PDXDC1: variants seen among roughly 807,000 people sequenced by gnomAD.
The protein encoded by PDXDC1 is pyridoxal-dependent decarboxylase domain-containing protein 1.
PDXDC1 carries 42 observed loss-of-function variants against 100.1 expected under a neutral mutation model. That is an observed-to-expected ratio of 0.42 (90% CI 0.33 to 0.54). The LOEUF (loss-of-function observed/expected upper bound fraction) is 0.54. PDXDC1 is among the 20% of genes least tolerant of loss of function. The probability of loss-of-function intolerance (pLI) is 0.10; values close to 1 mark genes in which losing one functional copy is unlikely to be tolerated. For synonymous variants in PDXDC1, 260 were observed against 371.7 expected (o/e 0.70, Z 3.46); for missense variants, 636 against 979.2 (o/e 0.65, Z 4.68).
In PDXDC1 at chr16:15,074,971, T is replaced by G. The variant is rs530308355; in HGVS notation, c.1399+44915T>G. Reference sequence around the variant, plus strand: ...CCCTTAAAAGATAAAACAAAGAGGCTGGGGAAAGCGGCTCACATCTATAAG... The same window carrying G: ...CCCTTAAAAGATAAAACAAAGAGGCGGGGGAAAGCGGCTCACATCTATAAG... On this transcript the variant is annotated intron_variant, in intron 16 of 16. Coordinates refer to the PDXDC1 transcript ENST00000535621. 16 of 1,150,802 alleles carry G rather than the reference T, an allele frequency of 1.4e-5. No homozygotes were observed. The African/African-American group carries it at 1.7e-4, about 12-fold the overall frequency. The allele number at this position is 1,150,802 out of a possible 1,614,324, so 71.3% of individuals were successfully genotyped here.
intron 16 of PDXDC1, chr16:15,080,200 A>T: frequency 7.1e-7 from 1 of 1,416,310 alleles, no homozygotes; most frequent in Non-Finnish European, 9.3e-7. Flanking sequence ...AAATATTTAA[A>T]AAGAAAAAAA....
intron 16 of PDXDC1, among the ~76,000 whole-genome samples, chr16:15,106,679 T>G (rs1212593973): frequency 1.4e-5 from 2 of 143,564 alleles, no homozygotes; most frequent in Non-Finnish European, 3.1e-5. Context: ...CACTTGAACC[T>G]GGGAGGCGGA....
intron 16 of PDXDC1, chr16:15,048,066 G>C (rs1211730360): frequency 1.2e-6 from 2 of 1,612,314 alleles, no homozygotes; most frequent in African/African-American, 1.3e-5. Context: ...CCCACTTGTT[G>C]AACAGACTGA....
At chr16:15,000,399 G>T (rs927447873) in intron 3 of PDXDC1, among the ~76,000 whole-genome samples, 33 of 152,416 alleles carry the variant, frequency 2.2e-4, no homozygotes, top group East Asian at 2.1e-3. Flanking sequence ...CAGGCAGCCA[G>T]TGTGCCTCAA....
intron 16 of PDXDC1, among the ~76,000 whole-genome samples, chr16:15,090,690 C>G (rs1292196492): frequency 6.6e-6 from 1 of 152,166 alleles, no homozygotes; most frequent in Non-Finnish European, 1.5e-5. Context: ...ACAATTTGCT[C>G]AAGATCACAC....
chr16:15,111,106 CGACAGAATGA>C (rs1213708237), intron 16 of PDXDC1, among the ~76,000 whole-genome samples: 1 of 137,326 alleles, frequency 7.3e-6, no homozygotes, highest in Non-Finnish European at 1.6e-5. Context: ...CCAGCCTGAG[CGACAGAATGA>C]GACTCTGTCA....
chr16:15,061,356 G>A (rs912749383), intron 16 of PDXDC1: 1 of 193,792 alleles, frequency 5.2e-6, no homozygotes, highest in Non-Finnish European at 1.0e-5. Flanking sequence ...CAAGTCCTAA[G>A]ACCATGGATC....
intron 16 of PDXDC1, among the ~76,000 whole-genome samples, chr16:15,090,557 C>T (rs1209016548): frequency 6.6e-6 from 1 of 152,174 alleles, no homozygotes; most frequent in African/African-American, 2.4e-5. Flanking sequence ...TATGATCACA[C>T]CTGTGAATAG....
chr16:15,077,572 T>G (rs757669308), intron 16 of PDXDC1, among the ~76,000 whole-genome samples: 12 of 152,208 alleles, frequency 7.9e-5, no homozygotes, highest in East Asian at 1.9e-4. Flanking sequence ...CCAGGTGCAG[T>G]GGCTCACGCC....
intron 16 of PDXDC1, among the ~76,000 whole-genome samples, chr16:15,075,732 T>C (rs1266411507): frequency 6.6e-6 from 1 of 152,154 alleles, no homozygotes; most frequent in Non-Finnish European, 1.5e-5. Context: ...CAATGAGACC[T>C]ATCCATGCAA....
At position 15,031,865 on chromosome 16, in the gene PDXDC1, A is replaced by G. The variant is rs765728858; in HGVS notation, c.1530A>G (p.Leu510=). 1.4e-5 allele frequency: 23 copies of G among 1,613,686 alleles called. No individual in the cohort carries two copies. Among genetic ancestry groups the G allele is most frequent in the Non-Finnish European group, 1.1e-5 (13 of 1,179,872 alleles). ...KQEVEATAGL[L]YVDDPNWSGI... ...AAGTGGAAGCAACAGCAGGTCTCCT[A>G]TATGTTGATGACCCTAACTGGTCTG... The change falls in exon 17 of 23, where the codon CTA becomes CTG. Residue 510 remains leucine, a synonymous_variant. Transcript: ENST00000396410.
At chr16:15,131,239 G>T (rs768351969) in intron 16 of PDXDC1, 26 of 1,591,876 alleles carry the variant, frequency 1.6e-5, no homozygotes, top group Non-Finnish European at 2.2e-5. Flanking sequence ...CGAGTTGTTG[G>T]GCACCTTCAC....
At chr16:14,979,839 C>T (rs1967551650) in intron 1 of PDXDC1, among the ~76,000 whole-genome samples, 2 of 152,290 alleles carry the variant, frequency 1.3e-5, no homozygotes, top group African/African-American at 4.8e-5. Context: ...ATTTCTATTC[C>T]TGCTCCTTCC....
chr16:14,975,013 C>A (rs866704072), upstream of PDXDC1: 54 of 1,534,426 alleles, frequency 3.5e-5, no homozygotes, highest in African/African-American at 5.5e-4. Flanking sequence ...GCTACGGGGC[C>A]CCGCCCCGCC....
intron 16 of PDXDC1, among the ~76,000 whole-genome samples, chr16:15,103,531 T>TC (rs1335314510): frequency 6.6e-6 from 1 of 151,674 alleles, no homozygotes; most frequent in Non-Finnish European, 1.5e-5. Context: ...TGAGTCAGAG[T>TC]CTCGCTCTGT....
At chr16:15,017,716 A>T (rs2041895621) in intron 11 of PDXDC1, among the ~76,000 whole-genome samples, 1 of 152,264 alleles carries the variant, frequency 6.6e-6, no homozygotes, top group Non-Finnish European at 1.5e-5. Flanking sequence ...ATTTCCTTAG[A>T]ATAGGTTCCC....
chr16:15,135,542 C>T (rs2048307986), intron 16 of PDXDC1: 2 of 1,021,064 alleles, frequency 2.0e-6, no homozygotes, highest in Non-Finnish European at 1.5e-6. Context: ...GGACGGGGCC[C>T]ACCAGGCACT....
intron 16 of PDXDC1, chr16:15,047,801 T>C: frequency 7.1e-7 from 1 of 1,401,138 alleles, no homozygotes; most frequent in South Asian, 1.2e-5. Context: ...AATTCAATGG[T>C]CCCAAAGGTT....
intron 16 of PDXDC1, among the ~76,000 whole-genome samples, chr16:15,087,872 T>C (rs1415265865): frequency 6.6e-6 from 1 of 152,122 alleles, no homozygotes; most frequent in Non-Finnish European, 1.5e-5. Flanking sequence ...CCCAACACTT[T>C]GGGAGGCCGA....
Sources: gnomAD v4.1 joint callset for allele counts (sites outside exome capture counted in the v4.1 genomes callset) on GRCh38, gnomAD v4.1.1 for gene constraint, MANE v1.5 for transcripts, NCBI Gene and HGNC (gene_info 2026-07-23, HGNC 2026-07-21) for gene names.